ADAMTSL1: variants seen among roughly 807,000 people sequenced by gnomAD.
ADAMTSL1 encodes ADAMTS-like protein 1.
A neutral mutation model predicts 201.8 loss-of-function variants in ADAMTSL1; 126 were observed. The ratio of observed to expected loss-of-function variants is 0.62; its 90% confidence interval spans 0.54 to 0.72. The LOEUF (loss-of-function observed/expected upper bound fraction) is 0.72. Ranked by LOEUF, ADAMTSL1 falls within the 30% of genes least tolerant of loss-of-function variation. The probability of loss-of-function intolerance (pLI) is 0.00; values close to 1 mark genes in which losing one functional copy is unlikely to be tolerated. For synonymous variants in ADAMTSL1, 1,121 were observed against 903.4 expected (o/e 1.24, Z -4.32); for missense variants, 2,679 against 2,277.8 (o/e 1.18, Z -3.59).
chr9:18,111,688 G>T (rs369601129), intron 1 of ADAMTSL1, among the ~76,000 whole-genome samples: 1 of 152,120 alleles, frequency 6.6e-6, no homozygotes, highest in South Asian at 2.1e-4. Context: ...AGACAGTTTT[G>T]TACATTCAGG....
intron 1 of ADAMTSL1, among the ~76,000 whole-genome samples, chr9:18,022,034 T>C (rs1212057255): frequency 6.6e-6 from 1 of 151,968 alleles, no homozygotes; most frequent in African/African-American, 2.4e-5. Context: ...GAAAGGAAGA[T>C]TCTACACAGC....
intron 2 of ADAMTSL1, among the ~76,000 whole-genome samples, chr9:18,522,966 T>C (rs1216479947): frequency 1.3e-5 from 2 of 152,336 alleles, no homozygotes; most frequent in African/African-American, 4.8e-5. Flanking sequence ...AGTAATGGGA[T>C]GGCTGGGTCA....
intron 2 of ADAMTSL1, among the ~76,000 whole-genome samples, chr9:18,200,530 C>T (rs747961983): frequency 5.9e-5 from 9 of 152,124 alleles, no homozygotes; most frequent in Admixed American, 2.6e-4. Context: ...TTTTCTTAGT[C>T]TATACTATCA....
chr9:18,564,714 A>C (rs981216017), intron 3 of ADAMTSL1, among the ~76,000 whole-genome samples: 4 of 152,232 alleles, frequency 2.6e-5, no homozygotes, highest in African/African-American at 9.6e-5. Context: ...CAGATATGCT[A>C]ATTTTAAGGA....
intron 2 of ADAMTSL1, among the ~76,000 whole-genome samples, chr9:18,389,274 C>G (rs901638762): frequency 6.6e-6 from 1 of 151,196 alleles, no homozygotes; most frequent in South Asian, 2.1e-4. Flanking sequence ...ATATATTGGC[C>G]ATGTCAATAA....
At chr9:18,693,043 T>C (rs753581380) in intron 13 of ADAMTSL1, among the ~76,000 whole-genome samples, 4 of 152,212 alleles carry the variant, frequency 2.6e-5, no homozygotes, top group African/African-American at 7.2e-5. Flanking sequence ...TCTTCCTTTT[T>C]TCCCAAAATT....
At chr9:18,152,735 G>A (rs1409886064) in intron 1 of ADAMTSL1, among the ~76,000 whole-genome samples, 1 of 151,920 alleles carries the variant, frequency 6.6e-6, no homozygotes, top group Non-Finnish European at 1.5e-5. Context: ...AGAGAGTGGA[G>A]TAGTGATGAC....
chr9:18,375,222 G>C (rs1020181613), intron 2 of ADAMTSL1, among the ~76,000 whole-genome samples: 1 of 152,120 alleles, frequency 6.6e-6, no homozygotes, highest in Non-Finnish European at 1.5e-5. Flanking sequence ...AGCCCTTACT[G>C]GTTCATTTAT....
intron 2 of ADAMTSL1, among the ~76,000 whole-genome samples, chr9:18,421,107 A>G (rs796213074): frequency 2.0e-5 from 3 of 152,304 alleles, no homozygotes; most frequent in African/African-American, 7.2e-5. Flanking sequence ...TGCAGAGGGT[A>G]AGAGAGGTCC....
At chr9:18,402,741 T>C (rs1818031371) in intron 2 of ADAMTSL1, among the ~76,000 whole-genome samples, 1 of 152,174 alleles carries the variant, frequency 6.6e-6, no homozygotes, top group South Asian at 2.1e-4. Flanking sequence ...CATTATTCAG[T>C]TCAGGCACCA....
At chr9:17,913,896 T>A (rs1398283685) in intron 1 of ADAMTSL1, among the ~76,000 whole-genome samples, 1 of 152,172 alleles carries the variant, frequency 6.6e-6, no homozygotes, top group East Asian at 1.9e-4. Context: ...CAAACACCTC[T>A]ACGCAAATAA....
chr9:18,194,800 A>G (rs1317588303), intron 2 of ADAMTSL1, among the ~76,000 whole-genome samples: 1 of 151,920 alleles, frequency 6.6e-6, no homozygotes, highest in Non-Finnish European at 1.5e-5. Flanking sequence ...GCCTGCCTAG[A>G]CTTTCTGTAC....
chr9:18,097,886 C>T (rs1344921371), intron 1 of ADAMTSL1, among the ~76,000 whole-genome samples: 1 of 151,410 alleles, frequency 6.6e-6, no homozygotes, highest in African/African-American at 2.4e-5. Flanking sequence ...AGTGTGTATA[C>T]TGAGAAATCT....
chr9:18,480,346 C>CTA (rs142973017), intron 1 of ADAMTSL1, among the ~76,000 whole-genome samples: 3,318 of 152,232 alleles, frequency 0.022, 94 homozygotes, highest in South Asian at 0.09. Flanking sequence ...ATCCCTCAGC[C>CTA]TATGTGATCC....
intron 2 of ADAMTSL1, among the ~76,000 whole-genome samples, chr9:18,436,570 A>T (rs555355901): frequency 1.3e-5 from 2 of 152,020 alleles, no homozygotes; most frequent in Non-Finnish European, 2.9e-5. Context: ...CACTTCCCCA[A>T]TTGCCCAGTA....
chr9:18,823,780 G>A (rs1211493525), intron 21 of ADAMTSL1, among the ~76,000 whole-genome samples: 1 of 152,238 alleles, frequency 6.6e-6, no homozygotes, highest in Admixed American at 6.5e-5. Flanking sequence ...TCTGAGGTCA[G>A]GAGTTCAACG....
Position 18,826,410 on chromosome 9 carries a change from G to A in ADAMTSL1, c.4061G>A (p.Arg1354Lys), listed in dbSNP as rs778516424. The A allele has an allele frequency of 1.1e-5, 17 of 1,613,724 alleles. No homozygotes were observed. In the Admixed American group the frequency reaches 2.5e-4, roughly 24 times the overall value. ...TCGGATCAGGGCCTGTACTCCTGCA[G>A]GGCGGCCAATCTTCATGGAGAGCTG... is the stretch of plus-strand genomic sequence containing the variant. ...SSSDQGLYSC[R>K]AANLHGELTE... Residue 1354 changes from arginine (R) to lysine (K), a missense_variant, in exon 22 of 29, where the codon AGG (arginine) becomes AAG (lysine). Transcript: ENST00000380548.
chr9:18,332,517 C>G (rs1042220168), intron 2 of ADAMTSL1, among the ~76,000 whole-genome samples: 1 of 152,140 alleles, frequency 6.6e-6, no homozygotes, highest in African/African-American at 2.4e-5. Context: ...GTGTTACAAT[C>G]ATAGCCCCCT....
At chr9:18,180,123 G>C (rs1415311467) in intron 2 of ADAMTSL1, among the ~76,000 whole-genome samples, 1 of 152,116 alleles carries the variant, frequency 6.6e-6, no homozygotes, top group Non-Finnish European at 1.5e-5. Flanking sequence ...GCTGTATTCA[G>C]GAAACCCATC....
Sources: gnomAD v4.1 joint callset for allele counts (sites outside exome capture counted in the v4.1 genomes callset) on GRCh38, gnomAD v4.1.1 for gene constraint, MANE v1.5 for transcripts, NCBI Gene and HGNC (gene_info 2026-07-23, HGNC 2026-07-21) for gene names.